INTS13: variants seen among roughly 807,000 people sequenced by gnomAD.
INTS13 encodes the protein asunder, spermatogenesis regulator homolog (Drosphila).
INTS13 carries 35 observed loss-of-function variants against 90.2 expected under a neutral mutation model. The observed-to-expected ratio is 0.39, with a 90% CI of 0.30 to 0.51. INTS13 has a LOEUF of 0.51. Among genes scored for constraint, INTS13 ranks in the 20% least tolerant of loss-of-function variants. The probability of loss-of-function intolerance (pLI) is 0.80; values close to 1 mark genes in which losing one functional copy is unlikely to be tolerated. For synonymous variants in INTS13, 309 were observed against 277.1 expected (o/e 1.11, Z -1.14); for missense variants, 601 against 851.2 (o/e 0.71, Z 3.66).
intron 3 of INTS13, 106 bp from the exon 4 acceptor site, chr12:26,929,011 T>C (rs1938043233): frequency 1.0e-6 from 1 of 988,768 alleles, no homozygotes; most frequent in Non-Finnish European, 1.5e-6. Context: ...TATATGGACA[T>C]GAACATTCTT....
Position 26,914,037 on chromosome 12 carries a change from A to T in INTS13, c.1511T>A (p.Met504Lys). 2 of 1,611,554 alleles carry T rather than the reference A, an allele frequency of 1.2e-6. No individual in the cohort carries two copies. Among genetic ancestry groups the T allele is most frequent in the African/African-American group, 1.3e-5 (1 of 74,954 alleles). Reference protein sequence around the residue: ...CQKTIYNLVDMERKNDPLPIS... With the variant: ...CQKTIYNLVDKERKNDPLPIS... ...AGGTAGAGGATCATTTTTTCTTTCCATATCAACTAAGTTGTATATTGTTTT... is the reference window on the plus strand; with the variant it reads ...AGGTAGAGGATCATTTTTTCTTTCCTTATCAACTAAGTTGTATATTGTTTT... Residue 504 changes from methionine to lysine, a missense_variant, in exon 13 of 17, where the codon ATG (methionine) becomes AAG (lysine). Transcript: ENST00000261191.
intron 3 of INTS13, among the ~76,000 whole-genome samples, chr12:26,932,016 G>T (rs1233693541): frequency 6.6e-6 from 1 of 151,598 alleles, no homozygotes; most frequent in Non-Finnish European, 1.5e-5. Flanking sequence ...GAACCTGGGA[G>T]GTGGAGGTTG....
Position 26,914,546 on chromosome 12 carries a change from T to C in INTS13, c.1281A>G (p.Leu427=), listed in dbSNP as rs144434963. 84 of 1,613,266 alleles carry C rather than the reference T, an allele frequency of 5.2e-5. No homozygotes were observed. Among genetic ancestry groups the C allele is most frequent in the Admixed American group, 2.2e-4 (13 of 59,920 alleles). ...DFGEFMRENR[L]TPFLDPRYKI... is the part of the protein sequence containing the mutation. ...TATATCTGGGGTCTAGAAAAGGAGT[T>C]AATCTGTTTTCCCTCATAAATTCAC... is the stretch of plus-strand genomic sequence containing the variant. The change falls in exon 12 of 17, where the codon TTA becomes TTG. Residue 427 remains leucine, a synonymous_variant. Coordinates refer to ENST00000261191, the MANE Select transcript of INTS13 (RefSeq NM_018164.3).
intron 14 of INTS13, among the ~76,000 whole-genome samples, chr12:26,912,793 TCTCGGCTCACAGCAAC>T (rs1951820366): frequency 6.6e-6 from 1 of 151,856 alleles, no homozygotes; most frequent in Non-Finnish European, 1.5e-5. Context: ...AGTGGAGGAA[TCTCGGCTCACAGCAAC>T]CTCTGCCTCC....
At chr12:26,934,044 G>C (rs752339009) in intron 3 of INTS13, among the ~76,000 whole-genome samples, 5 of 152,136 alleles carry the variant, frequency 3.3e-5, no homozygotes, top group Admixed American at 6.5e-5. Flanking sequence ...AAGGGGACAG[G>C]CATTAGACAT....
Position 26,925,834 on chromosome 12 carries a change from T to C in INTS13, c.602A>G (p.Lys201Arg). The stretch of plus-strand genomic sequence containing the variant: ...GGTGTGGATCAAGACCAACTCACAT[T>C]TTTGAATCTGCATGAGACTTAAAGA... ...ANSDHLMQIQ[K>R]CELVLIHTYP... is the part of the protein sequence containing the mutation. The change falls in exon 6 of 17, where the codon AAA becomes AGA. Residue 201 changes from lysine (K) to arginine (R), a missense_variant. Transcript: ENST00000261191. The C allele has an allele frequency of 6.2e-7, 1 of 1,612,812 alleles. No homozygotes were observed. Among genetic ancestry groups the C allele is most frequent in the Non-Finnish European group, 8.5e-7 (1 of 1,179,230 alleles).
Position 26,917,408 on chromosome 12 carries a change from G to T in INTS13, c.1013C>A (p.Ser338Ter). The T allele has an allele frequency of 6.3e-7, 1 of 1,574,984 alleles. No homozygotes were observed. The highest frequency in any genetic ancestry group is 1.2e-5 in the South Asian group (1 of 85,762). The change falls in exon 10 of 17, where the codon TCA (serine) becomes TAA (stop). Residue 338 changes from serine (S) to a stop codon, truncating the protein, a stop_gained. Transcript: ENST00000261191. LOFTEE classifies it high-confidence loss of function. ...LHYCTGAYRI[S>*]PVDVNSRPSS... ...AGGTCTACTATTTACATCTACAGGT[G>T]AAATCCGATAAGCTCCAGTACAATA...
intron 15 of INTS13, among the ~76,000 whole-genome samples, chr12:26,909,954 G>A (rs1951725800): frequency 2.0e-5 from 3 of 151,898 alleles, no homozygotes; most frequent in East Asian, 1.9e-4. Flanking sequence ...GTCTAATGAC[G>A]GCATACCATT....
At chr12:26,917,303 C>G in intron 10 of INTS13, 49 bp downstream of exon 10, 1 of 596,518 alleles carries the variant, frequency 1.7e-6, no homozygotes, top group Non-Finnish European at 2.6e-6. Flanking sequence ...ATAAATAATT[C>G]AAATAATATA....
At chr12:26,926,158 T>C (rs1000620371) in intron 5 of INTS13, among the ~76,000 whole-genome samples, 4 of 152,176 alleles carry the variant, frequency 2.6e-5, no homozygotes, top group African/African-American at 4.8e-5. Context: ...AAAATGAATA[T>C]ATTGTGTATT....
At chr12:26,911,374 C>G (rs866678655) in intron 14 of INTS13, 57 bp from the exon 15 acceptor site, 1 of 1,448,224 alleles carries the variant, frequency 6.9e-7, no homozygotes, top group African/African-American at 1.4e-5. Flanking sequence ...GTCTAATGGT[C>G]TAATAATTAA....
intron 3 of INTS13, among the ~76,000 whole-genome samples, chr12:26,929,341 T>A (rs947127315): frequency 2.0e-5 from 3 of 152,154 alleles, no homozygotes; most frequent in African/African-American, 7.2e-5. Context: ...TCCCTACTTA[T>A]CAGTAACAAA....
intron 5 of INTS13, 50 bp downstream of exon 5, chr12:26,928,155 A>G (rs763610329): frequency 3.8e-6 from 5 of 1,319,286 alleles, no homozygotes; most frequent in Non-Finnish European, 5.4e-6. Context: ...TAATTATAAC[A>G]TATATCTATC....
At chr12:26,906,186 G>GTAT (rs1951602389) in intron 16 of INTS13, 116 bp downstream of exon 16, 1 of 983,574 alleles carries the variant, frequency 1.0e-6, no homozygotes, top group Non-Finnish European at 1.5e-6. Context: ...TGGGGAACAT[G>GTAT]TATTAGTTCA....
At chr12:26,914,371 T>A (rs369109961) in intron 12 of INTS13, 37 bp downstream of exon 12, 34 of 1,561,466 alleles carry the variant, frequency 2.2e-5, no homozygotes, top group Middle Eastern at 1.7e-4. Context: ...AATATATAAC[T>A]AATCTATAAG....
chr12:26,912,856 T>C (rs1951822838), intron 14 of INTS13, among the ~76,000 whole-genome samples: 1 of 152,022 alleles, frequency 6.6e-6, no homozygotes, highest in African/African-American at 2.4e-5. Flanking sequence ...GCCCCTTGAG[T>C]AGCTGAGATT....
chr12:26,929,728 G>T (rs1248721118), intron 3 of INTS13, among the ~76,000 whole-genome samples: 6 of 150,252 alleles, frequency 4.0e-5, no homozygotes, highest in African/African-American at 9.8e-5. Flanking sequence ...AGACAGAAAG[G>T]AAGAAAGGAA....
chr12:26,918,328 TATTTACCAAG>T (rs1952003958), intron 8 of INTS13, among the ~76,000 whole-genome samples: 1 of 152,302 alleles, frequency 6.6e-6, no homozygotes, highest in South Asian at 2.1e-4. Flanking sequence ...AGCTTCAAAT[TATTTACCAAG>T]ATTTCCAAAT....
At chr12:26,922,553 G>A (rs1358266664) in intron 8 of INTS13, 63 bp downstream of exon 8, 4 of 1,246,026 alleles carry the variant, frequency 3.2e-6, no homozygotes, top group Non-Finnish European at 4.5e-6. Flanking sequence ...AGGATGTGGG[G>A]GCTACTGTAA....
Sources: gnomAD v4.1 joint callset for allele counts (sites outside exome capture counted in the v4.1 genomes callset) on GRCh38, gnomAD v4.1.1 for gene constraint, MANE v1.5 for transcripts, NCBI Gene and HGNC (gene_info 2026-07-23, HGNC 2026-07-21) for gene names.